Variants in ZNF469 observed in about 807,000 individuals in gnomAD.
The protein encoded by ZNF469 is zinc finger protein 469.
ZNF469 carries 1 observed loss-of-function variant against 1.0 expected under a neutral mutation model. That is an observed-to-expected ratio of 1.00 (90% CI 0.35 to 4.73). ZNF469 has a LOEUF of 4.73. Ranked by LOEUF, ZNF469 falls within the 30% of genes most tolerant of loss-of-function variation. The pLI is 0.16. For missense variants in ZNF469, 6,100 were observed against 5,356.3 expected (o/e 1.14, Z -4.33); for synonymous variants, 2,703 against 2,363.4 (o/e 1.14, Z -4.17).
chr16:88,314,667 G>A, the ZNF469 span, among the ~76,000 whole-genome samples: 2 of 148,558 alleles, frequency 1.3e-5, no homozygotes, highest in African/African-American at 5.0e-5. Flanking sequence ...GGTGTGGGCT[G>A]TCTCTGTAAT....
the ZNF469 span, among the ~76,000 whole-genome samples, chr16:88,361,555 C>T: frequency 6.6e-6 from 1 of 152,090 alleles, no homozygotes; most frequent in South Asian, 2.1e-4. Flanking sequence ...AATTATTTGC[C>T]CACTTAAGGC....
chr16:88,435,248 G>A lies in ZNF469; in HGVS notation c.7778G>A (p.Arg2593Lys). ...GTGAAGACTCCGGCCTCCAAGCCCAGACCAGACCAGGCCAGGGAAGATGAG... is the reference window on the plus strand; with the variant it reads ...GTGAAGACTCCGGCCTCCAAGCCCAAACCAGACCAGGCCAGGGAAGATGAG... ...VDVKTPASKP[R>K]PDQAREDELH... The change falls in exon 3 of 3, where the codon AGA (arginine) becomes AAA (lysine). Residue 2593 changes from arginine (R) to lysine (K), a missense_variant. Physicochemically the swap from Arg to Lys is conservative, Grantham distance 26. Transcript: ENST00000565624. The A allele has an allele frequency of 6.4e-7, 1 of 1,550,388 alleles. No homozygotes were observed. The highest frequency in any genetic ancestry group is 8.7e-7 in the Non-Finnish European group (1 of 1,146,986).
At chr16:88,332,743 A>T in the ZNF469 span, among the ~76,000 whole-genome samples, 1 of 152,040 alleles carries the variant, frequency 6.6e-6, no homozygotes, top group African/African-American at 2.4e-5. Context: ...GAACAGGGTG[A>T]GGGCCCCCAG....
At chr16:88,237,643 CCACTCACCCTCCCTGCCCTCCGTGCTCCT>C in the ZNF469 span, among the ~76,000 whole-genome samples, 1 of 17,532 alleles carries the variant, frequency 5.7e-5, no homozygotes, top group African/African-American at 1.4e-4. Flanking sequence ...CTTGCTCCTG[CCACTCACCCTCCCTGCCCTCCGTGCTCCT>C]GCCACTCACC....
At chr16:88,175,865 C>T in the ZNF469 span, among the ~76,000 whole-genome samples, 6 of 152,168 alleles carry the variant, frequency 3.9e-5, no homozygotes, top group East Asian at 1.9e-4. Flanking sequence ...AGAGGAAATC[C>T]GTTTCACTGG....
the ZNF469 span, among the ~76,000 whole-genome samples, chr16:88,260,249 G>A: frequency 3.3e-5 from 5 of 151,858 alleles, no homozygotes; most frequent in East Asian, 1.9e-4. This position sits in a 1 kb window ranked among gnomAD's most constrained non-coding sequence, Gnocchi z 4.1. Flanking sequence ...TCGGCCTCCC[G>A]AAGTGCTGGG....
the ZNF469 span, among the ~76,000 whole-genome samples, chr16:88,183,378 G>T: frequency 2.6e-5 from 4 of 152,308 alleles, no homozygotes; most frequent in Non-Finnish European, 5.9e-5. Flanking sequence ...ACTCACAACA[G>T]CCCACATGCC....
At chr16:88,182,419 T>A in the ZNF469 span, among the ~76,000 whole-genome samples, 1 of 152,006 alleles carries the variant, frequency 6.6e-6, no homozygotes, top group African/African-American at 2.4e-5. Flanking sequence ...CTTAAATAAC[T>A]CACACAACTT....
the ZNF469 span, among the ~76,000 whole-genome samples, chr16:88,239,675 A>G: frequency 0.024 from 84 of 3,528 alleles, 4 homozygotes; most frequent in Non-Finnish European, 0.031. Flanking sequence ...TTGTATATAT[A>G]TATATATATA....
At chr16:88,184,065 G>A in the ZNF469 span, among the ~76,000 whole-genome samples, 2 of 152,074 alleles carry the variant, frequency 1.3e-5, no homozygotes, top group Middle Eastern at 3.4e-3. Context: ...AGAAGTGGAA[G>A]CTTGAAGTGG....
upstream of ZNF469, among the ~76,000 whole-genome samples, chr16:88,382,911 C>G (rs1186751771): frequency 7.6e-5 from 10 of 131,576 alleles, no homozygotes; most frequent in African/African-American, 2.3e-4. Flanking sequence ...GGGGAGGGTG[C>G]GGGGGCGGCG....
At chr16:88,214,666 C>G in the ZNF469 span, among the ~76,000 whole-genome samples, 2 of 152,136 alleles carry the variant, frequency 1.3e-5, no homozygotes, top group Non-Finnish European at 2.9e-5. Flanking sequence ...CCCTCACCCC[C>G]CGACAGGCCC....
At chr16:88,182,937 A>G in the ZNF469 span, among the ~76,000 whole-genome samples, 2 of 152,256 alleles carry the variant, frequency 1.3e-5, no homozygotes, top group African/African-American at 4.8e-5. Context: ...AGACATACTT[A>G]AGAAAATGAA....
upstream of ZNF469, among the ~76,000 whole-genome samples, chr16:88,381,060 TCACA>T (rs1346671178): frequency 4.5e-5 from 4 of 89,422 alleles, no homozygotes; most frequent in Non-Finnish European, 6.7e-5. Flanking sequence ...AGACACGCTC[TCACA>T]CACAGGCATG....
In ZNF469 at chr16:88,435,847, AACACGCCCCCCTTGGGCCCCCTGGGTT is replaced by A; in HGVS notation, c.8378_8404del (p.Asn2793_Phe2802delinsIle). 1 of 1,550,378 alleles carries A rather than the reference AACACGCCCCCCTTGGGCCCCCTGGGTT, an allele frequency of 6.5e-7. No homozygotes were observed. Among genetic ancestry groups the A allele is most frequent in the Middle Eastern group, 1.7e-4 (1 of 5,992 alleles). On this transcript the variant is annotated inframe_deletion, in exon 3 of 3. Transcript: ENST00000565624. ...ATCAGAGGAAGGTGTCTGGGAGGAG[AACACGCCCCCCTTGGGCCCCCTGGGTT>A]TTCCCGAGACTTCCAGCTCTCCGGC...
At chr16:88,176,935 A>G in the ZNF469 span, among the ~76,000 whole-genome samples, 4 of 152,226 alleles carry the variant, frequency 2.6e-5, no homozygotes, top group Non-Finnish European at 4.4e-5. Context: ...AGTTTTGGCA[A>G]GGTGGGGCGT....
In ZNF469 at chr16:88,433,186, C is replaced by T; in HGVS notation, c.5716C>T (p.Gln1906Ter). 1 of 1,550,362 alleles carries T rather than the reference C, an allele frequency of 6.5e-7. No homozygotes were observed. The highest frequency in any genetic ancestry group is 8.7e-7 in the Non-Finnish European group (1 of 1,146,942). ...TTTGAGCCCCCCCATACGTCAGCTC[C>T]AGCTCCCAGGGCCTGGAGTGGCTAA... ...PALSPPIRQLQLPGPGVAKSK... is the reference protein window; with the variant it reads ...PALSPPIRQL Residue 1906 changes from glutamine (Q) to a stop codon, truncating the protein, a stop_gained, in exon 3 of 3, where the codon CAG (glutamine) becomes TAG (stop). Transcript: ENST00000565624. LOFTEE classifies it low-confidence loss of function (END_TRUNC).
rs774855163 is a variant in ZNF469 at position 88,435,403 on chromosome 16, G to A, written c.7933G>A (p.Glu2645Lys). ...RGKLRGRRLR[E>K]ESILPVSADV... The stretch of plus-strand genomic sequence containing the variant: ...AAAGCTGAGAGGGAGAAGGCTCCGG[G>A]AGGAGAGCATTCTTCCAGTCTCTGC... The change falls in exon 3 of 3, where the codon GAG becomes AAG. Residue 2645 changes from glutamate (E) to lysine (K), a missense_variant. Transcript: ENST00000565624. 16 of 1,550,252 alleles carry A rather than the reference G, an allele frequency of 1.0e-5. No homozygotes were observed. The South Asian group carries it at 1.8e-4, about 17-fold the overall frequency.
the ZNF469 span, among the ~76,000 whole-genome samples, chr16:88,349,011 G>C: frequency 1.1e-4 from 16 of 152,160 alleles, no homozygotes; most frequent in African/African-American, 3.6e-4. Flanking sequence ...TGCCTCCCAC[G>C]CAGGCCCCAA....
Sources: gnomAD v4.1 joint callset for allele counts (sites outside exome capture counted in the v4.1 genomes callset) on GRCh38, gnomAD v4.1.1 for gene constraint, Gnocchi (gnomAD v3.1) non-coding constraint, MANE v1.5 for transcripts, NCBI Gene and HGNC (gene_info 2026-07-23, HGNC 2026-07-21) for gene names.